APOL3: variants seen among roughly 807,000 people sequenced by gnomAD.
APOL3 encodes apolipoprotein L3, also known as TNF-inducible protein CG12-1.
APOL3 carries 14 observed loss-of-function variants against 11.6 expected under a neutral mutation model. That is an observed-to-expected ratio of 1.21 (90% CI 0.80 to 1.89). APOL3 has a LOEUF of 1.89. Among genes scored for constraint, APOL3 ranks in the 40% most tolerant of loss-of-function variants. APOL3 has a pLI of 0.00. For synonymous variants in APOL3, 192 were observed against 190.6 expected (o/e 1.01, Z -0.06); for missense variants, 483 against 492.1 (o/e 0.98, Z 0.17).
chr22:36,150,039 T>C (rs2060375047), intron 1 of APOL3: 1 of 390,326 alleles, frequency 2.6e-6, no homozygotes, highest in South Asian at 1.9e-5. Context: ...CTCCAACTCC[T>C]GGTTTCAAGC....
upstream of APOL3, among the ~76,000 whole-genome samples, chr22:36,164,327 G>A (rs1319619828): frequency 6.6e-6 from 1 of 152,138 alleles, no homozygotes; most frequent in Non-Finnish European, 1.5e-5. Context: ...ACCAGAATAA[G>A]CTGTCAATCC....
At chr22:36,141,140 CT>C in exon 3 of APOL3, 1 of 1,551,786 alleles carries the variant, frequency 6.4e-7, no homozygotes. Context: ...AATAAAATGC[CT>C]GCATTTTGTC....
chr22:36,157,284 C>G (rs889357551), intron 1 of APOL3, among the ~76,000 whole-genome samples: 2 of 152,318 alleles, frequency 1.3e-5, no homozygotes, highest in Non-Finnish European at 1.5e-5. Context: ...ATGCAGCAAC[C>G]AACTACTGCC....
At chr22:36,160,377 G>A (rs2013582572) in intron 1 of APOL3, among the ~76,000 whole-genome samples, 1 of 152,122 alleles carries the variant, frequency 6.6e-6, no homozygotes. Context: ...TCCTTCTGGG[G>A]TCACCGGGCC....
At chr22:36,162,107 C>T (rs1055962897), upstream of APOL3, among the ~76,000 whole-genome samples, 5 of 152,172 alleles carry the variant, frequency 3.3e-5, no homozygotes. Flanking sequence ...GAGTTGGTCA[C>T]AATCCCTTTG....
chr22:36,143,507 A>T (rs1001117359), intron 2 of APOL3, among the ~76,000 whole-genome samples: 1 of 152,264 alleles, frequency 6.6e-6, no homozygotes, highest in African/African-American at 2.4e-5. Context: ...CATTTTGACT[A>T]ACTCTGAGTC....
chr22:36,165,768 C>T (rs1031682833), upstream of APOL3: 1 of 152,180 alleles, frequency 6.6e-6, no homozygotes, highest in Non-Finnish European at 1.5e-5. Context: ...AAAAAGAGAA[C>T]CCAATTATTA....
intron 1 of APOL3, chr22:36,153,472 T>A (rs1433469237): frequency 2.2e-6 from 1 of 453,984 alleles, no homozygotes; most frequent in East Asian, 7.0e-5. Context: ...ACTGTTAATA[T>A]TAACAGCATA....
At chr22:36,159,009 G>A (rs1185167345) in intron 1 of APOL3, among the ~76,000 whole-genome samples, 2 of 152,194 alleles carry the variant, frequency 1.3e-5, no homozygotes, top group East Asian at 3.9e-4. Flanking sequence ...GAGTGTGTGT[G>A]TGGCATATGC....
chr22:36,156,708 C>T (rs1950303115), intron 1 of APOL3: 1 of 287,102 alleles, frequency 3.5e-6, no homozygotes, highest in South Asian at 3.2e-5. Flanking sequence ...CCAGCCCTCC[C>T]CAGGCTCCCT....
intron 1 of APOL3, chr22:36,154,446 G>A (rs2146857053): frequency 2.7e-6 from 1 of 369,994 alleles, no homozygotes; most frequent in South Asian, 2.2e-5. Context: ...GAAATGCAAA[G>A]ACTTATCGTA....
chr22:36,153,663 C>G (rs1463198282), intron 1 of APOL3, among the ~76,000 whole-genome samples: 1 of 152,176 alleles, frequency 6.6e-6, no homozygotes, highest in Non-Finnish European at 1.5e-5. Flanking sequence ...GAGCAGTGTT[C>G]AAAGGGATGC....
chr22:36,144,731 C>T (rs114632418), intron 2 of APOL3, among the ~76,000 whole-genome samples: 1,976 of 152,186 alleles, frequency 0.013, 41 homozygotes, highest in African/African-American at 0.045. Flanking sequence ...AACACTTGGT[C>T]GGGCGCAGCG....
At chr22:36,146,367 A>T (rs2060220190) in intron 1 of APOL3, 1 of 151,902 alleles carries the variant, frequency 6.6e-6, no homozygotes, top group Non-Finnish European at 1.5e-5. Context: ...TCCTTCTGCC[A>T]TGTGCCTATT....
chr22:36,151,594 A>AAAAAAC (rs777461163), intron 1 of APOL3, among the ~76,000 whole-genome samples: 31 of 152,348 alleles, frequency 2.0e-4, no homozygotes, highest in Admixed American at 9.8e-4. Context: ...CAGAAAAAGA[A>AAAAAAC]AAAAACAAAA....
At chr22:36,158,088 T>A (rs1295898817) in intron 1 of APOL3, among the ~76,000 whole-genome samples, 2 of 151,902 alleles carry the variant, frequency 1.3e-5, no homozygotes, top group Non-Finnish European at 2.9e-5. Flanking sequence ...TAAAAATGGG[T>A]AAAAGATAGG....
At position 36,145,169 on chromosome 22, in the gene APOL3, A is replaced by C. The variant is rs9610408; in HGVS notation, c.350+304T>G. Reference sequence around the variant, plus strand: ...ACATGCATTAGCTTATTTTTCTCACAATAAAGCTCAATGGATGAAGAAAGG... The same window carrying C: ...ACATGCATTAGCTTATTTTTCTCACCATAAAGCTCAATGGATGAAGAAAGG... On this transcript the variant is annotated intron_variant, in intron 2 of 2. Coordinates refer to ENST00000349314, the Ensembl canonical transcript of APOL3. Among the ~76,000 whole-genome samples the C allele has an allele frequency of 8.7e-3, 1,326 of 152,280 alleles. 9 individuals are homozygous for C. Among genetic ancestry groups the C allele is most frequent in the Middle Eastern group, 0.031 (9 of 294 alleles).
At chr22:36,164,822 C>T (rs1266712712), upstream of APOL3, 3 of 152,160 alleles carry the variant, frequency 2.0e-5, no homozygotes, top group African/African-American at 7.2e-5. Flanking sequence ...CCCATCACTC[C>T]TTCCTCTAAT....
At chr22:36,161,718 C>T (rs132656), upstream of APOL3, among the ~76,000 whole-genome samples, 80,185 of 151,920 alleles carry the variant, frequency 0.53, 22,401 homozygotes, top group East Asian at 0.85. Context: ...AAGTGGGGGG[C>T]GGATGTGGGA....
Sources: gnomAD v4.1 joint callset for allele counts (sites outside exome capture counted in the v4.1 genomes callset) on GRCh38, gnomAD v4.1.1 for gene constraint, MANE v1.5 for transcripts, NCBI Gene and HGNC (gene_info 2026-07-23, HGNC 2026-07-21) for gene names.